Variants in ERC2 observed in about 807,000 individuals in gnomAD.
The protein encoded by ERC2 is ELKS/RAB6-interacting/CAST family member 2, also known as ERC protein 2.
ERC2 carries 42 observed loss-of-function variants against 114.8 expected under a neutral mutation model. The observed-to-expected ratio is 0.37, with a 90% CI of 0.29 to 0.47. The LOEUF is 0.47. Among genes scored for constraint, ERC2 ranks in the 20% least tolerant of loss-of-function variants. The pLI, the probability that ERC2 is intolerant of heterozygous loss-of-function variation, is 0.99. For missense variants in ERC2, 939 were observed against 1,150.7 expected (o/e 0.82, Z 2.66); for synonymous variants, 454 against 425.5 (o/e 1.07, Z -0.82).
chr3:56,222,634 G>A (rs994435740), intron 3 of ERC2, among the ~76,000 whole-genome samples: 1 of 152,124 alleles, frequency 6.6e-6, no homozygotes, highest in Non-Finnish European at 1.5e-5. Context: ...CCCCTAGAAT[G>A]GAAGGTCAGA....
intron 1 of ERC2, among the ~76,000 whole-genome samples, chr3:56,435,538 C>T (rs899025349): frequency 6.6e-6 from 1 of 152,246 alleles, no homozygotes; most frequent in African/African-American, 2.4e-5. Flanking sequence ...TCCTTTGGGG[C>T]ATAACCCCTA....
chr3:56,246,671 T>C (rs2051733552), intron 3 of ERC2, among the ~76,000 whole-genome samples: 1 of 152,130 alleles, frequency 6.6e-6, no homozygotes, highest in Non-Finnish European at 1.5e-5. Flanking sequence ...CCGATTCCAC[T>C]GATGTCAGAC....
chr3:55,767,628 A>T (rs1420187088), intron 14 of ERC2, among the ~76,000 whole-genome samples: 1 of 152,160 alleles, frequency 6.6e-6, no homozygotes, highest in Non-Finnish European at 1.5e-5. Flanking sequence ...ATCAAGACTC[A>T]GCTTAAACTA....
chr3:56,265,361 G>C (rs1364988656), intron 3 of ERC2, among the ~76,000 whole-genome samples: 1 of 152,152 alleles, frequency 6.6e-6, no homozygotes, highest in African/African-American at 2.4e-5. Flanking sequence ...GGAAAGGACA[G>C]TGTCTTCAAT....
At chr3:56,263,882 T>A (rs2053111969) in intron 3 of ERC2, among the ~76,000 whole-genome samples, 1 of 152,092 alleles carries the variant, frequency 6.6e-6, no homozygotes, top group South Asian at 2.1e-4. Context: ...ATATCTCTGA[T>A]AAACATAGAA....
intron 13 of ERC2, among the ~76,000 whole-genome samples, chr3:55,895,055 C>T (rs1313377291): frequency 6.6e-6 from 1 of 152,204 alleles, no homozygotes; most frequent in Non-Finnish European, 1.5e-5. Context: ...CTACACCTGA[C>T]CTCCTTCACA....
chr3:56,423,152 C>A (rs1576888822), intron 2 of ERC2, among the ~76,000 whole-genome samples: 1 of 152,198 alleles, frequency 6.6e-6, no homozygotes, highest in Non-Finnish European at 1.5e-5. Context: ...ATTGACAATT[C>A]ATTCTTTCCC....
intron 8 of ERC2, among the ~76,000 whole-genome samples, chr3:56,014,590 C>A (rs1367558325): frequency 6.6e-6 from 1 of 151,418 alleles, no homozygotes; most frequent in Non-Finnish European, 1.5e-5. Context: ...CCCAGACACC[C>A]CCTCAGCCTC....
intron 14 of ERC2, among the ~76,000 whole-genome samples, chr3:55,857,346 G>A (rs2061834208): frequency 6.6e-6 from 1 of 152,076 alleles, no homozygotes; most frequent in Non-Finnish European, 1.5e-5. Flanking sequence ...CCGCATCTTT[G>A]TTCTCTGCCA....
At chr3:55,611,839 A>G (rs1484738180) in intron 17 of ERC2, among the ~76,000 whole-genome samples, 1 of 152,204 alleles carries the variant, frequency 6.6e-6, no homozygotes, top group Non-Finnish European at 1.5e-5. Flanking sequence ...TCATTTGGAT[A>G]AGAGCTAACA....
At chr3:55,679,256 C>T (rs896163056) in intron 17 of ERC2, among the ~76,000 whole-genome samples, 2 of 152,156 alleles carry the variant, frequency 1.3e-5, no homozygotes, top group Non-Finnish European at 2.9e-5. Flanking sequence ...AAACTCCTTC[C>T]CACCTCCAGC....
chr3:55,736,449 A>T (rs2065640293), intron 14 of ERC2, among the ~76,000 whole-genome samples: 1 of 152,116 alleles, frequency 6.6e-6, no homozygotes. Context: ...CTGACCACTG[A>T]CTTAGACCAC....
intron 17 of ERC2, among the ~76,000 whole-genome samples, chr3:55,589,356 G>A (rs974694164): frequency 6.6e-6 from 1 of 152,086 alleles, no homozygotes; most frequent in African/African-American, 2.4e-5. Flanking sequence ...TACTGTGATG[G>A]TGACTCTGTG....
chr3:55,791,196 G>A (rs1402403831), intron 14 of ERC2, among the ~76,000 whole-genome samples: 1 of 152,166 alleles, frequency 6.6e-6, no homozygotes, highest in African/African-American at 2.4e-5. Flanking sequence ...TGAAAATTGG[G>A]GCTGGGTAAA....
intron 1 of ERC2, among the ~76,000 whole-genome samples, chr3:56,464,999 A>C (rs535694314): frequency 1.3e-5 from 2 of 152,316 alleles, no homozygotes; most frequent in African/African-American, 4.8e-5. Context: ...CTGCAATACC[A>C]TTCACCTTAT....
Position 56,139,472 on chromosome 3 carries a change from T to C in ERC2, c.1473+37A>G, listed in dbSNP as rs545950939. On this transcript the variant is annotated intron_variant, in intron 6 of 17. Coordinates refer to ENST00000288221, the MANE Select transcript of ERC2 (RefSeq NM_015576.3). ...GGTAGGGCAATTTCTATCAATTCAA[T>C]GTCTCTGCTGTCTAGAATCCTGAGA... The C allele has an allele frequency of 1.1e-5, 18 of 1,578,206 alleles. No homozygotes were observed. The South Asian group carries it at 2.0e-4, about 17-fold the overall frequency.
chr3:55,673,916 G>A (rs1208394693), intron 17 of ERC2, among the ~76,000 whole-genome samples: 2 of 151,786 alleles, frequency 1.3e-5, no homozygotes, highest in Non-Finnish European at 2.9e-5. Flanking sequence ...CAGAGGCTGG[G>A]GGATCAGCAA....
At chr3:55,922,497 C>T (rs1385599973) in intron 13 of ERC2, among the ~76,000 whole-genome samples, 1 of 151,968 alleles carries the variant, frequency 6.6e-6, no homozygotes, top group African/African-American at 2.4e-5. Flanking sequence ...AGAAAAGATG[C>T]CAGTAGAAAA....
rs564950988 is a variant in ERC2, at chr3:55,855,417, C to A, written c.2564+32972G>T. On this transcript the variant is annotated intron_variant, in intron 14 of 17. Coordinates refer to ENST00000288221, the MANE Select transcript of ERC2 (RefSeq NM_015576.3). ...TTACCAAACATACAGTATTTATATG[C>A]AAACTTCCAAGAAAAGTACATTCTA... Among the ~76,000 whole-genome samples the A allele has an allele frequency of 2.0e-5, 3 of 152,364 alleles. No individual in the cohort carries two copies. The South Asian group carries it at 6.2e-4, about 32-fold the overall frequency.
Sources: gnomAD v4.1 joint callset for allele counts (sites outside exome capture counted in the v4.1 genomes callset) on GRCh38, gnomAD v4.1.1 for gene constraint, MANE v1.5 for transcripts, NCBI Gene and HGNC (gene_info 2026-07-23, HGNC 2026-07-21) for gene names.